Variants in PLCB1 observed in about 807,000 individuals in gnomAD.
PLCB1 encodes the protein 1-phosphatidylinositol 4,5-bisphosphate phosphodiesterase beta-1.
Under a neutral mutation model 161.8 loss-of-function variants are expected in PLCB1, and 46 were observed. The ratio of observed to expected loss-of-function variants is 0.28; its 90% CI spans 0.22 to 0.36. The LOEUF (loss-of-function observed/expected upper bound fraction) is 0.36. Among genes scored for constraint, PLCB1 ranks in the 10% least tolerant of loss-of-function variants. The probability of loss-of-function intolerance (pLI) is 1.00; values close to 1 mark genes in which losing one functional copy is unlikely to be tolerated. For synonymous variants in PLCB1, 517 were observed against 503.7 expected, an observed-to-expected ratio of 1.03 and a Z score of -0.35; for missense variants, 1,016 against 1,472.5, an observed-to-expected ratio of 0.69 and a Z score of 5.07.
chr20:8,290,862 C>T (rs889370049), intron 2 of PLCB1, among the ~76,000 whole-genome samples: 3 of 152,024 alleles, frequency 2.0e-5, no homozygotes, highest in Admixed American at 1.3e-4. Flanking sequence ...TATAATACAA[C>T]ACTGTATCAC....
At chr20:8,710,335 T>C (rs544638765) in intron 12 of PLCB1, among the ~76,000 whole-genome samples, 5 of 152,044 alleles carry the variant, frequency 3.3e-5, no homozygotes, top group African/African-American at 1.2e-4. Flanking sequence ...GGAATGGTGT[T>C]ACACCATAAG....
At chr20:8,391,834 T>G (rs115872212) in intron 3 of PLCB1, among the ~76,000 whole-genome samples, 1 of 143,176 alleles carries the variant, frequency 7.0e-6, no homozygotes, top group African/African-American at 2.6e-5. Context: ...TACACACACA[T>G]ATATATATAT....
chr20:8,731,284 T>C (rs1320601306), intron 18 of PLCB1, among the ~76,000 whole-genome samples: 6 of 151,982 alleles, frequency 3.9e-5, no homozygotes, highest in Non-Finnish European at 2.9e-5. Flanking sequence ...ATCAGAGTAA[T>C]TGGGATATCC....
At chr20:8,545,848 A>T (rs1394723212) in intron 3 of PLCB1, among the ~76,000 whole-genome samples, 1 of 151,952 alleles carries the variant, frequency 6.6e-6, no homozygotes, top group African/African-American at 2.4e-5. Context: ...TCTATTTAAT[A>T]ATCAAAACAG....
intron 31 of PLCB1, among the ~76,000 whole-genome samples, chr20:8,804,723 C>T (rs1984444076): frequency 6.6e-6 from 1 of 152,104 alleles, no homozygotes; most frequent in Non-Finnish European, 1.5e-5. Flanking sequence ...GGCATGGTGG[C>T]TCATGCCTGT....
chr20:8,332,523 A>G (rs1435049308), intron 2 of PLCB1, among the ~76,000 whole-genome samples: 1 of 152,236 alleles, frequency 6.6e-6, no homozygotes, highest in Non-Finnish European at 1.5e-5. Context: ...TCCATGTTGC[A>G]TCTCATTTAA....
intron 3 of PLCB1, among the ~76,000 whole-genome samples, chr20:8,421,949 C>A (rs1465172497): frequency 2.0e-5 from 3 of 152,182 alleles, no homozygotes; most frequent in African/African-American, 7.2e-5. Flanking sequence ...AAGTTAAAGA[C>A]CTGCTGAGGA....
At position 8,658,541 on chromosome 20, in the gene PLCB1, T is replaced by C. The variant is rs1207177873; in HGVS notation, c.699T>C (p.Gly233=). ...PEIDNIFSEF[G]AKSKPYLTVD... The stretch of plus-strand genomic sequence containing the variant: ...CTTGGTTTTTCATTGTTTTTAGTGG[T>C]GCAAAAAGCAAACCATATCTTACCG... The change falls in exon 9 of 32, where the codon GGT becomes GGC. Residue 233 remains glycine, a synonymous_variant. Transcript: ENST00000338037. 2 of 1,593,102 alleles carry C rather than the reference T, an allele frequency of 1.3e-6. No individual in the cohort carries two copies. The highest frequency in any genetic ancestry group is 1.7e-6 in the Non-Finnish European group (2 of 1,173,262).
intron 1 of PLCB1, among the ~76,000 whole-genome samples, chr20:8,142,985 CA>C (rs2051419185): frequency 6.6e-6 from 1 of 152,198 alleles, no homozygotes; most frequent in Non-Finnish European, 1.5e-5. Context: ...ACCTTCCTGG[CA>C]TCTCTGAATC....
At chr20:8,821,723 A>G (rs1985433163) in intron 31 of PLCB1, among the ~76,000 whole-genome samples, 2 of 151,788 alleles carry the variant, frequency 1.3e-5, no homozygotes, top group African/African-American at 4.8e-5. Context: ...TGGACATTCA[A>G]GTCATTCAGA....
intron 2 of PLCB1, among the ~76,000 whole-genome samples, chr20:8,256,090 G>A (rs1043014606): frequency 6.6e-6 from 1 of 152,044 alleles, no homozygotes; most frequent in Non-Finnish European, 1.5e-5. Flanking sequence ...TACACTCTGC[G>A]ATGTTTGCAC....
intron 3 of PLCB1, among the ~76,000 whole-genome samples, chr20:8,447,491 A>G (rs1251745715): frequency 2.0e-5 from 3 of 152,176 alleles, no homozygotes; most frequent in Non-Finnish European, 4.4e-5. Context: ...TCTGGAAACC[A>G]CATGTTGTGA....
chr20:8,362,181 G>A (rs568759818), intron 2 of PLCB1, among the ~76,000 whole-genome samples: 112 of 152,068 alleles, frequency 7.4e-4, no homozygotes, highest in African/African-American at 2.3e-3. Flanking sequence ...AATAAAACAC[G>A]TGCTATAAAG....
At chr20:8,169,091 T>A (rs1200431775) in intron 2 of PLCB1, among the ~76,000 whole-genome samples, 1 of 152,056 alleles carries the variant, frequency 6.6e-6, no homozygotes, top group Non-Finnish European at 1.5e-5. Flanking sequence ...CATCAGTGTA[T>A]TTATATCTGG....
rs142198071 is a variant in PLCB1, at chr20:8,661,133, G to A, written c.862+2429G>A. Reference sequence around the variant, plus strand: ...TGTTGGTTTTCATTCCTCAGGTGTCGTTGTCCATTTTTTCTAGGAGATCCC... The same window carrying A: ...TGTTGGTTTTCATTCCTCAGGTGTCATTGTCCATTTTTTCTAGGAGATCCC... On this transcript the variant is annotated intron_variant, in intron 9 of 31. Coordinates refer to ENST00000338037, the MANE Select transcript of PLCB1 (RefSeq NM_015192.4). Among the ~76,000 whole-genome samples, 1,122 of 152,118 alleles carry A rather than the reference G, an allele frequency of 7.4e-3. 5 individuals carry two copies. The highest frequency in any genetic ancestry group is 0.011 in the Non-Finnish European group (762 of 67,992).
chr20:8,788,620 A>G lies in PLCB1; in HGVS notation c.3189-13A>G, dbSNP rs752007506. ...TGCCTCTTTTTTCTCTTTTACTTCC[A>G]TTGTGACTTCAGAGAAAAGAAAGAA... is the stretch of plus-strand genomic sequence containing the variant. On this transcript the variant is annotated splice_polypyrimidine_tract_variant and intron_variant, in intron 28 of 31. Coordinates refer to ENST00000338037, the MANE Select transcript of PLCB1 (RefSeq NM_015192.4). 5 of 1,601,396 alleles carry G rather than the reference A, an allele frequency of 3.1e-6. No homozygotes were observed. The highest frequency in any genetic ancestry group is 2.7e-5 in the African/African-American group (2 of 74,438).
rs552206165 is a variant in PLCB1, at chr20:8,855,459, G to T, written c.3424-26163G>T. Among the ~76,000 whole-genome samples the T allele has an allele frequency of 1.4e-3, 217 of 152,256 alleles. 1 individual carries two copies. The highest frequency in any genetic ancestry group is 4.9e-3 in the African/African-American group (205 of 41,544). Reference sequence around the variant, plus strand: ...AAGTCACCAGCACTCCCAGACCCAGGATTCCCTCCAAATTCTAAGAAATGT... The same window carrying T: ...AAGTCACCAGCACTCCCAGACCCAGTATTCCCTCCAAATTCTAAGAAATGT... On this transcript the variant is annotated intron_variant, in intron 31 of 31. Transcript: ENST00000338037.
intron 3 of PLCB1, among the ~76,000 whole-genome samples, chr20:8,625,867 T>C (rs1988325492): frequency 1.3e-5 from 2 of 152,156 alleles, no homozygotes; most frequent in Admixed American, 1.3e-4. Flanking sequence ...TACTTCATTA[T>C]AAATTTCTAA....
At chr20:8,228,810 TAGTG>T (rs1979845760) in intron 2 of PLCB1, among the ~76,000 whole-genome samples, 2 of 152,164 alleles carry the variant, frequency 1.3e-5, no homozygotes, top group South Asian at 2.1e-4. Context: ...ATGAGGTACA[TAGTG>T]AGTTTTGATA....
Sources: gnomAD v4.1 joint callset for allele counts (sites outside exome capture counted in the v4.1 genomes callset) on GRCh38, gnomAD v4.1.1 for gene constraint, MANE v1.5 for transcripts, NCBI Gene and HGNC (gene_info 2026-07-23, HGNC 2026-07-21) for gene names.